The following TCF3 variants were observed in gnomAD, a reference collection of about 807,000 sequenced individuals.
The protein encoded by TCF3 is transcription factor E2-alpha.
A neutral mutation model predicts 72.3 loss-of-function variants in TCF3; 54 were observed. That is an observed-to-expected ratio of 0.75 (90% CI 0.60 to 0.94). The LOEUF (loss-of-function observed/expected upper bound fraction) is 0.94. Among genes scored for constraint, TCF3 ranks in the 40% least tolerant of loss-of-function variants. The probability of loss-of-function intolerance (pLI) is 0.00; values close to 1 mark genes in which losing one functional copy is unlikely to be tolerated. For synonymous variants in TCF3, 525 were observed against 412.6 expected (o/e 1.27, Z -3.30); for missense variants, 1,078 against 934.4 (o/e 1.15, Z -2.00).
chr19:1,622,210 G>T lies in TCF3; in HGVS notation c.666C>A (p.His222Gln). Reference sequence around the variant, plus strand: ...GGGGACTCCAGAGCTCGGCTGAGGGGTGCAGGCTGCCATCTGTGGAGGGGA... The same window carrying T: ...GGGGACTCCAGAGCTCGGCTGAGGGTTGCAGGCTGCCATCTGTGGAGGGGA... ...APFYVADGSL[H>Q]PSAELWSPPG... Residue 222 changes from histidine to glutamine, a missense_variant, in exon 10 of 19, where the codon CAC becomes CAA. His to Gln is a conservative substitution (Grantham distance 24). Transcript: ENST00000262965. The T allele has an allele frequency of 6.4e-7, 1 of 1,552,676 alleles. No individual in the cohort carries two copies.
intron 14 of TCF3, 117 bp from the exon 15 acceptor site, chr19:1,619,591 G>A (rs959854137): frequency 2.1e-6 from 3 of 1,418,132 alleles, no homozygotes; most frequent in African/African-American, 2.9e-5. Context: ...TCCCCAGGAA[G>A]CTGCATATGC....
intron 3 of TCF3, among the ~76,000 whole-genome samples, chr19:1,645,125 G>A (rs528466436): frequency 1.3e-5 from 2 of 152,136 alleles, no homozygotes; most frequent in African/African-American, 2.4e-5. Context: ...AAGTGCCCAA[G>A]TACAGAACCC....
At chr19:1,612,160 G>GTGGGGAAGGGAGAGGGTGC in intron 18 of TCF3, 1 of 1,517,050 alleles carries the variant, frequency 6.6e-7, no homozygotes, top group East Asian at 2.3e-5. Flanking sequence ...GCACCTGGGT[G>GTGGGGAAGGGAGAGGGTGC]TGGGGAAGGG....
chr19:1,642,225 CAG>C (rs1568483573), intron 3 of TCF3, among the ~76,000 whole-genome samples: 1 of 149,704 alleles, frequency 6.7e-6, no homozygotes, highest in African/African-American at 2.5e-5. Context: ...CGCAGACGCA[CAG>C]ACACGCACGC....
At chr19:1,619,259 A>T (rs537458342) in intron 15 of TCF3, 25 bp from the exon 16 acceptor site, 7 of 1,579,630 alleles carry the variant, frequency 4.4e-6, no homozygotes, top group Non-Finnish European at 5.1e-6. Flanking sequence ...AGACGGGTGC[A>T]TCAGGGGGAG....
At chr19:1,651,579 C>A (rs2067069294) in intron 1 of TCF3, among the ~76,000 whole-genome samples, 2 of 152,158 alleles carry the variant, frequency 1.3e-5, no homozygotes, top group Admixed American at 6.5e-5. Context: ...TGGGGCGTCC[C>A]AAGGACTTTG....
intron 11 of TCF3, 94 bp downstream of exon 11, chr19:1,621,744 G>T (rs1018683298): frequency 9.8e-6 from 14 of 1,427,562 alleles, no homozygotes; most frequent in Non-Finnish European, 1.3e-5. Flanking sequence ...AGACGCGCCT[G>T]CGCCTCCCGT....
Position 1,614,483 on chromosome 19 carries a change from G to A in TCF3, c.1822+802C>T, listed in dbSNP as rs1226160150. 6.6e-6 allele frequency among the ~76,000 whole-genome samples: 1 copy of A among 152,178 alleles called. No individual in the cohort carries two copies. Among genetic ancestry groups the A allele is most frequent in the Non-Finnish European group, 1.5e-5 (1 of 68,030 alleles). On this transcript the variant is annotated intron_variant, in intron 18 of 18. Transcript: ENST00000262965. This position sits in a 1 kb window ranked among gnomAD's most constrained non-coding sequence, Gnocchi z 5.6. ...GGGCGGGATGGAGGGGAGGGCGGAA[G>A]GCAGACAGCAGAGAGGCGGGCTTGG...
At chr19:1,611,962 G>T (rs978030037) in intron 18 of TCF3, 113 bp from the exon 19 acceptor site, 261 of 696,786 alleles carry the variant, frequency 3.7e-4, no homozygotes, top group Non-Finnish European at 5.6e-4. Context: ...GCCCCATCAC[G>T]TGTGGCCTCC....
chr19:1,631,577 G>A (rs775182823), intron 5 of TCF3, among the ~76,000 whole-genome samples: 8 of 151,964 alleles, frequency 5.3e-5, no homozygotes, highest in African/African-American at 1.7e-4. Context: ...CCTGAGTCAC[G>A]ATTCTCTCGG....
chr19:1,615,209 G>A lies in TCF3; in HGVS notation c.1822+76C>T, dbSNP rs949297325. ...GAGGGCTGGCTCCAGGAAGGCGGGC[G>A]GGGAAGGAGAACGAGGGCAGGAACA... is the stretch of plus-strand genomic sequence containing the variant. On this transcript the variant is annotated intron_variant, in intron 18 of 18. Transcript: ENST00000262965. This position sits in a 1 kb window ranked among gnomAD's most constrained non-coding sequence, Gnocchi z 7.3. 2.5e-5 allele frequency: 38 copies of A among 1,490,990 alleles called. No individual in the cohort carries two copies. The highest frequency in any genetic ancestry group is 2.4e-4 in the Admixed American group (11 of 45,072). 92.4% of individuals were successfully genotyped at this position (1,490,990 alleles called of 1,614,324 possible). A position where few individuals can be genotyped will look rare whatever the true frequency, so the allele number is the denominator to read the frequency against.
intron 3 of TCF3, among the ~76,000 whole-genome samples, chr19:1,640,416 T>A (rs2065068214): frequency 6.6e-6 from 1 of 151,934 alleles, no homozygotes; most frequent in African/African-American, 2.4e-5. Context: ...CTCTCTAAGT[T>A]TCAGCTTCTT....
chr19:1,649,312 A>G (rs2066629755), intron 2 of TCF3, among the ~76,000 whole-genome samples: 1 of 152,194 alleles, frequency 6.6e-6, no homozygotes, highest in African/African-American at 2.4e-5. Context: ...CCACACAGTC[A>G]GTTTCATGCC....
At chr19:1,630,458 G>A (rs1183062462) in intron 5 of TCF3, among the ~76,000 whole-genome samples, 1 of 152,196 alleles carries the variant, frequency 6.6e-6, no homozygotes, top group African/African-American at 2.4e-5. Context: ...GGCCCAAACA[G>A]GCGCTGCCCC....
chr19:1,648,802 C>T (rs1267031088), intron 2 of TCF3, among the ~76,000 whole-genome samples: 2 of 143,084 alleles, frequency 1.4e-5, no homozygotes, highest in East Asian at 2.2e-4. Flanking sequence ...CAACCCCAAA[C>T]GCTGCCACTG....
intron 7 of TCF3, 136 bp downstream of exon 7, chr19:1,625,440 G>A: frequency 8.5e-7 from 1 of 1,178,758 alleles, no homozygotes; most frequent in Non-Finnish European, 1.1e-6. Context: ...CACGGCCCGA[G>A]CGCCCGACGT....
At position 1,652,549 on chromosome 19, in the gene TCF3, G is replaced by A. The variant is rs2067285173; in HGVS notation, c.-289C>T. The A allele has an allele frequency of 6.9e-6, 1 of 144,806 alleles. No homozygotes were observed. The highest frequency in any genetic ancestry group is 2.5e-5 in the African/African-American group (1 of 40,212). 9.0% of individuals were successfully genotyped at this position (144,806 alleles called of 1,614,324 possible). Reference sequence around the variant, plus strand: ...TGCCCGCGGTGCCCGCCGCCGCGTCGGCTCCGGCCCGCTACGCCCGCAGCC... The same window carrying A: ...TGCCCGCGGTGCCCGCCGCCGCGTCAGCTCCGGCCCGCTACGCCCGCAGCC... On this transcript the variant is annotated 5_prime_UTR_variant, in exon 1 of 19. Coordinates refer to ENST00000262965, the MANE Select transcript of TCF3 (RefSeq NM_003200.5).
intron 2 of TCF3, among the ~76,000 whole-genome samples, chr19:1,649,344 G>A (rs568324896): frequency 6.6e-6 from 1 of 152,234 alleles, no homozygotes; most frequent in Non-Finnish European, 1.5e-5. Context: ...CCCACCAGGG[G>A]AGTCCCGTAT....
At chr19:1,642,266 G>T (rs1293251309) in intron 3 of TCF3, among the ~76,000 whole-genome samples, 3 of 149,450 alleles carry the variant, frequency 2.0e-5, no homozygotes, top group Non-Finnish European at 4.5e-5. Flanking sequence ...GCGCACACAC[G>T]CACGCACACG....
Sources: gnomAD v4.1 joint callset for allele counts (sites outside exome capture counted in the v4.1 genomes callset) on GRCh38, gnomAD v4.1.1 for gene constraint, Gnocchi (gnomAD v3.1) non-coding constraint, MANE v1.5 for transcripts, NCBI Gene and HGNC (gene_info 2026-07-23, HGNC 2026-07-21) for gene names.